Variants in MYO7A observed in about 807,000 individuals in gnomAD.
MYO7A encodes the protein unconventional myosin-VIIa.
MYO7A carries 210 observed loss-of-function variants against 263.8 expected under a neutral mutation model. The observed-to-expected ratio is 0.80, with a 90% CI of 0.71 to 0.89. The LOEUF (loss-of-function observed/expected upper bound fraction) is 0.89. MYO7A is among the 40% of genes least tolerant of loss of function. The probability of loss-of-function intolerance (pLI) is 0.00; values close to 1 mark genes in which losing one functional copy is unlikely to be tolerated. For synonymous variants in MYO7A, 1,239 were observed against 1,197.3 expected (o/e 1.03, Z -0.72); for missense variants, 2,820 against 2,968.3 (o/e 0.95, Z 1.16).
intron 28 of MYO7A, 64 bp from the exon 29 acceptor site, chr11:77,189,956 C>T (rs1436943051): frequency 9.6e-6 from 14 of 1,452,626 alleles, no homozygotes; most frequent in African/African-American, 1.4e-5. Flanking sequence ...GAGGGCCTGG[C>T]GGCTGCCCTC....
intron 2 of MYO7A, among the ~76,000 whole-genome samples, chr11:77,131,700 C>G (rs1555046107): frequency 6.6e-6 from 1 of 152,242 alleles, no homozygotes. Context: ...CCACCCCCTC[C>G]TCTCCTGCCC....
rs554514151 is a variant in MYO7A, at chr11:77,152,962, T to A, written c.286-2945T>A. ...GTTTCATATGAATGGAGCCTCTTGGTTGTGAGTTGAGGTTGACGAGGGTGG... is the reference window on the plus strand; with the variant it reads ...GTTTCATATGAATGGAGCCTCTTGGATGTGAGTTGAGGTTGACGAGGGTGG... On this transcript the variant is annotated intron_variant, in intron 4 of 48. Coordinates refer to ENST00000409709, the MANE Select transcript of MYO7A (RefSeq NM_000260.4). 8.6e-5 allele frequency among the ~76,000 whole-genome samples: 13 copies of A among 152,024 alleles called. No individual in the cohort carries two copies. In the South Asian group the frequency reaches 2.3e-3, roughly 27 times the overall value.
chr11:77,131,581 A>C (rs1374160043), intron 2 of MYO7A, among the ~76,000 whole-genome samples: 1 of 152,230 alleles, frequency 6.6e-6, no homozygotes, highest in Non-Finnish European at 1.5e-5. Flanking sequence ...GGAAAAGTCC[A>C]TTCGCTGAGT....
intron 2 of MYO7A, among the ~76,000 whole-genome samples, chr11:77,139,128 AT>A (rs1555049146): frequency 6.6e-6 from 1 of 152,190 alleles, no homozygotes; most frequent in Non-Finnish European, 1.5e-5. Context: ...GACTCCTTCC[AT>A]TTCATGGCTG....
At chr11:77,195,135 G>A (rs1179631120) in intron 32 of MYO7A, among the ~76,000 whole-genome samples, 3 of 152,032 alleles carry the variant, frequency 2.0e-5, no homozygotes, top group African/African-American at 7.2e-5. Context: ...TAGTCTGAGG[G>A]CACCACAGAC....
At chr11:77,147,666 C>A in intron 3 of MYO7A, 132 bp from the exon 4 acceptor site, 1 of 1,166,764 alleles carries the variant, frequency 8.6e-7, no homozygotes, top group Non-Finnish European at 1.2e-6. Context: ...CTGACAGTGT[C>A]TGGCTGCCAG....
chr11:77,189,348 G>A lies in MYO7A; in HGVS notation c.3508G>A (p.Glu1170Lys), dbSNP rs111033214. ...NGILRPALRD[E>K]IYCQISKQLT... Reference sequence around the variant, plus strand: ...CTTGCCCTGCTGCCTGCCCAGGGACGAGATCTACTGCCAGATCAGCAAGCA... The same window carrying A: ...CTTGCCCTGCTGCCTGCCCAGGGACAAGATCTACTGCCAGATCAGCAAGCA... The change falls in exon 28 of 49, where the codon GAG becomes AAG. Residue 1170 changes from glutamate to lysine, a missense_variant. Physicochemically the swap from Glu to Lys is moderately conservative, Grantham distance 56 (BLOSUM62 1). Coordinates refer to ENST00000409709, the MANE Select transcript of MYO7A (RefSeq NM_000260.4). 2.3e-5 allele frequency: 37 copies of A among 1,613,164 alleles called. No individual in the cohort carries two copies. Among genetic ancestry groups the A allele is most frequent in the Admixed American group, 3.3e-5 (2 of 59,994 alleles).
chr11:77,132,263 T>C (rs1230967738), intron 2 of MYO7A, among the ~76,000 whole-genome samples: 5 of 152,142 alleles, frequency 3.3e-5, no homozygotes, highest in African/African-American at 1.2e-4. Context: ...CTCCTTTCTC[T>C]GCCTACCTGG....
intron 3 of MYO7A, 126 bp from the exon 4 acceptor site, chr11:77,147,672 G>A: frequency 2.4e-6 from 3 of 1,235,362 alleles, no homozygotes; most frequent in African/African-American, 3.0e-5. Flanking sequence ...GTGTCTGGCT[G>A]CCAGAGAGGT....
At position 77,192,041 on chromosome 11, in the gene MYO7A, G is replaced by A. The variant is rs375070288; in HGVS notation, c.3925-10G>A. The stretch of plus-strand genomic sequence containing the variant: ...CTCTGTGCCTGCTCCCCTCCCCTCT[G>A]TGCCCACAGGTGTCCTCCCTGGGCA... On this transcript the variant is annotated splice_polypyrimidine_tract_variant and intron_variant, in intron 30 of 48. Transcript: ENST00000409709. The A allele has an allele frequency of 1.4e-5, 22 of 1,609,006 alleles. No homozygotes were observed. Among genetic ancestry groups the A allele is most frequent in the Non-Finnish European group, 1.8e-5 (21 of 1,177,388 alleles).
chr11:77,191,354 C>T lies in MYO7A; in HGVS notation c.3924+484C>T, dbSNP rs115050649. 6.2e-3 allele frequency among the ~76,000 whole-genome samples: 944 copies of T among 152,322 alleles called. 3 individuals are homozygous for T. The highest frequency in any genetic ancestry group is 0.022 in the African/African-American group (905 of 41,576). ...AACAAACAAAAAACTGCTGAGTGCT[C>T]TTCAGCACCTGAGGGAAAACCCAGC... On this transcript the variant is annotated intron_variant, in intron 30 of 48. Coordinates refer to ENST00000409709, the MANE Select transcript of MYO7A (RefSeq NM_000260.4).
chr11:77,149,044 C>T (rs559385921), intron 4 of MYO7A, among the ~76,000 whole-genome samples: 1 of 152,348 alleles, frequency 6.6e-6, no homozygotes, highest in Non-Finnish European at 1.5e-5. Context: ...CTTTGGTCCA[C>T]ACCCTGACAA....
intron 2 of MYO7A, among the ~76,000 whole-genome samples, chr11:77,141,785 G>A (rs577261020): frequency 2.6e-5 from 4 of 152,238 alleles, no homozygotes; most frequent in South Asian, 4.1e-4. Context: ...TCCATGGAGC[G>A]GCTCCATTGG....
intron 28 of MYO7A, among the ~76,000 whole-genome samples, 194 bp from the exon 29 acceptor site, chr11:77,189,826 G>A (rs1217398489): frequency 2.0e-5 from 3 of 152,216 alleles, no homozygotes; most frequent in Non-Finnish European, 2.9e-5. Flanking sequence ...GGAGCCACTA[G>A]GCTAAGCTAG....
intron 10 of MYO7A, 90 bp from the exon 11 acceptor site, chr11:77,160,073 C>G: frequency 1.3e-6 from 2 of 1,494,362 alleles, no homozygotes; most frequent in Non-Finnish European, 1.8e-6. Flanking sequence ...TGGTCTGGGC[C>G]AGGCCAGTGC....
Position 77,162,344 on chromosome 11 carries a change from G to A in MYO7A, c.1554+14G>A. 6.4e-7 allele frequency: 1 copy of A among 1,550,582 alleles called. No individual in the cohort carries two copies. On this transcript the variant is annotated intron_variant, in intron 13 of 48. Coordinates refer to ENST00000409709, the MANE Select transcript of MYO7A (RefSeq NM_000260.4). ...AAGTTCCCCAAGGTGGGCCGGTCCT[G>A]CTGCCGCCTCCCAGGGTCTTGGGTG...
intron 20 of MYO7A, 36 bp downstream of exon 20, chr11:77,179,165 G>A (rs1201228700): frequency 1.3e-6 from 2 of 1,549,196 alleles, no homozygotes; most frequent in Non-Finnish European, 8.8e-7. Context: ...GCCCAAACAG[G>A]CCTTTGAACC....
At chr11:77,180,604 TA>T (rs782457802) in intron 22 of MYO7A, 123 bp downstream of exon 22, 8 of 807,252 alleles carry the variant, frequency 9.9e-6, no homozygotes, top group Non-Finnish European at 1.6e-5. Context: ...ATGGCCACAC[TA>T]GACCCACTCA....
intron 27 of MYO7A, 162 bp downstream of exon 27, chr11:77,184,877 T>A: frequency 8.2e-7 from 1 of 1,216,714 alleles, no homozygotes; most frequent in Non-Finnish European, 1.2e-6. Context: ...TTCATCTTTC[T>A]AAGCCTCTGA....
Sources: gnomAD v4.1 joint callset for allele counts (sites outside exome capture counted in the v4.1 genomes callset) on GRCh38, gnomAD v4.1.1 for gene constraint, MANE v1.5 for transcripts, NCBI Gene and HGNC (gene_info 2026-07-23, HGNC 2026-07-21) for gene names.